The following LRP1B variants were observed in gnomAD, a reference collection of about 807,000 sequenced individuals.
LRP1B encodes the protein LDL receptor related protein 1B.
Under a neutral mutation model 556.6 loss-of-function variants are expected in LRP1B, and 217 were observed. The observed-to-expected ratio is 0.39, with a 90% CI of 0.35 to 0.44. The LOEUF is 0.44. LRP1B is among the 20% of genes least tolerant of loss of function. The probability of loss-of-function intolerance (pLI) is 1.00; values close to 1 mark genes in which losing one functional copy is unlikely to be tolerated. For missense variants in LRP1B, 5,053 were observed against 5,620.8 expected (o/e 0.90, Z 3.23); for synonymous variants, 2,047 against 1,865.8 (o/e 1.10, Z -2.50).
At chr2:141,253,608 T>C (rs1684350163) in intron 4 of LRP1B, among the ~76,000 whole-genome samples, 1 of 152,116 alleles carries the variant, frequency 6.6e-6, no homozygotes, top group South Asian at 2.1e-4. Flanking sequence ...ATTTTTGTCA[T>C]TAAGATTTTA....
chr2:141,317,140 A>G (rs1257803198), intron 3 of LRP1B, among the ~76,000 whole-genome samples: 1 of 152,220 alleles, frequency 6.6e-6, no homozygotes, highest in Non-Finnish European at 1.5e-5. Flanking sequence ...GCACTGAGAC[A>G]TTGTATCTTT....
intron 88 of LRP1B, among the ~76,000 whole-genome samples, chr2:140,239,217 T>C (rs925652688): frequency 6.6e-6 from 1 of 150,776 alleles, no homozygotes; most frequent in Non-Finnish European, 1.5e-5. Context: ...CTCTTGTCAG[T>C]TTTGCTAGAA....
At chr2:140,680,653 T>C (rs181513559) in intron 41 of LRP1B, among the ~76,000 whole-genome samples, 41 of 152,262 alleles carry the variant, frequency 2.7e-4, no homozygotes, top group African/African-American at 9.6e-4. Flanking sequence ...TCATCATGAG[T>C]GATGCACTTG....
intron 2 of LRP1B, among the ~76,000 whole-genome samples, chr2:141,741,089 A>G (rs1465536207): frequency 6.6e-6 from 1 of 152,042 alleles, no homozygotes; most frequent in Non-Finnish European, 1.5e-5. Flanking sequence ...GCTGCAAATG[A>G]CAGGATCTCA....
chr2:140,577,564 G>A (rs1307502064), intron 43 of LRP1B, among the ~76,000 whole-genome samples: 2 of 151,738 alleles, frequency 1.3e-5, no homozygotes, highest in African/African-American at 2.4e-5. Context: ...TTACAGGTAC[G>A]TGCCACCATG....
intron 31 of LRP1B, among the ~76,000 whole-genome samples, chr2:140,821,688 A>T (rs1325065613): frequency 2.0e-5 from 3 of 152,222 alleles, no homozygotes; most frequent in Non-Finnish European, 4.4e-5. Flanking sequence ...GATTTCAAGA[A>T]GATGTACTGC....
At chr2:141,316,497 G>C (rs926664262) in intron 3 of LRP1B, among the ~76,000 whole-genome samples, 1 of 152,102 alleles carries the variant, frequency 6.6e-6, no homozygotes, top group African/African-American at 2.4e-5. Flanking sequence ...TAAAAATGTA[G>C]CACCAAGAAA....
At chr2:141,997,132 C>T (rs888062340) in intron 1 of LRP1B, among the ~76,000 whole-genome samples, 11 of 152,026 alleles carry the variant, frequency 7.2e-5, no homozygotes, top group African/African-American at 2.4e-4. Context: ...CAAATGCCCG[C>T]GAGGCCAAAC....
chr2:141,319,863 A>G (rs1687175405), intron 3 of LRP1B, among the ~76,000 whole-genome samples: 1 of 152,122 alleles, frequency 6.6e-6, no homozygotes, highest in South Asian at 2.1e-4. Context: ...TATACTGTAA[A>G]TTAGAAAACC....
chr2:141,097,770 G>A (rs1700357925), intron 7 of LRP1B, among the ~76,000 whole-genome samples: 1 of 151,940 alleles, frequency 6.6e-6, no homozygotes, highest in African/African-American at 2.4e-5. Flanking sequence ...AAATAGATTG[G>A]CTTATATCAT....
At chr2:140,356,516 A>T (rs1558825644) in intron 74 of LRP1B, 40 bp from the exon 75 acceptor site, 1 of 1,422,118 alleles carries the variant, frequency 7.0e-7, no homozygotes, top group Non-Finnish European at 9.7e-7. Context: ...TATAATTCTA[A>T]TTCCTGAAGT....
At chr2:141,916,803 A>T (rs1323933561) in intron 1 of LRP1B, among the ~76,000 whole-genome samples, 1 of 151,970 alleles carries the variant, frequency 6.6e-6, no homozygotes, top group Non-Finnish European at 1.5e-5. Context: ...GGGTTGAAAA[A>T]CCAACTGTTG....
At chr2:141,849,876 G>A (rs149040404) in intron 1 of LRP1B, among the ~76,000 whole-genome samples, 1 of 151,518 alleles carries the variant, frequency 6.6e-6, no homozygotes, top group African/African-American at 2.4e-5. Context: ...TTAAATCTCC[G>A]ATTCTAAGAA....
intron 2 of LRP1B, among the ~76,000 whole-genome samples, chr2:141,769,694 T>C (rs1440170021): frequency 1.3e-5 from 2 of 152,292 alleles, no homozygotes; most frequent in Non-Finnish European, 2.9e-5. Flanking sequence ...AAAGGTAAAG[T>C]AGATATGTTT....
intron 6 of LRP1B, among the ~76,000 whole-genome samples, chr2:141,198,498 G>T (rs571147914): frequency 6.6e-6 from 1 of 152,126 alleles, no homozygotes; most frequent in Non-Finnish European, 1.5e-5. Flanking sequence ...ACCTGTGCAT[G>T]TCTTTCTTGG....
intron 14 of LRP1B, among the ~76,000 whole-genome samples, chr2:141,012,600 G>A (rs1047997862): frequency 9.9e-5 from 15 of 151,552 alleles, no homozygotes; most frequent in Non-Finnish European, 1.9e-4. Context: ...ATCAGCTATT[G>A]ATATTTCTCA....
intron 1 of LRP1B, among the ~76,000 whole-genome samples, chr2:141,923,394 T>TCC (rs1700242062): frequency 4.2e-5 from 2 of 47,776 alleles, no homozygotes; most frequent in South Asian, 9.3e-4. Flanking sequence ...AATGAAATTA[T>TCC]CTCTGTCACT....
At chr2:140,878,949 A>G (rs1693388977) in intron 25 of LRP1B, among the ~76,000 whole-genome samples, 1 of 150,702 alleles carries the variant, frequency 6.6e-6, no homozygotes, top group African/African-American at 2.4e-5. Flanking sequence ...AGATCATGCC[A>G]CTGTACTGCA....
chr2:141,021,042 T>C (rs1035138536), intron 11 of LRP1B, among the ~76,000 whole-genome samples: 2 of 152,006 alleles, frequency 1.3e-5, no homozygotes, highest in Non-Finnish European at 2.9e-5. Flanking sequence ...GGCTGTGAAC[T>C]CCTTCTTTTC....
Sources: allele counts gnomAD v4.1 joint callset (sites outside exome capture counted in the v4.1 genomes callset), GRCh38; gene constraint gnomAD v4.1.1; transcripts MANE v1.5; gene names NCBI Gene and HGNC (gene_info 2026-07-23, HGNC 2026-07-21).